The following CPED1 variants were observed in gnomAD, a reference collection of about 807,000 sequenced individuals.
CPED1 encodes cadherin like and PC-esterase domain containing 1, also known as cadherin-like and PC-esterase domain-containing protein 1.
Under a neutral mutation model 128.2 loss-of-function variants are expected in CPED1, and 114 were observed. The ratio of observed to expected loss-of-function variants is 0.89; its 90% CI spans 0.76 to 1.04. The LOEUF (loss-of-function observed/expected upper bound fraction) is 1.04. CPED1 is among the 50% of genes least tolerant of loss of function. CPED1 has a pLI of 0.00. For synonymous variants in CPED1, 462 were observed against 426.7 expected (o/e 1.08, Z -1.02); for missense variants, 1,211 against 1,207.1 (o/e 1.00, Z -0.05).
At chr7:121,225,851 C>T (rs556873788) in intron 16 of CPED1, among the ~76,000 whole-genome samples, 65 of 152,212 alleles carry the variant, frequency 4.3e-4, no homozygotes, top group Non-Finnish European at 7.2e-4. Flanking sequence ...GTCTTCTCTA[C>T]ACTGTTTATT....
At chr7:121,257,602 C>T (rs1251223386) in intron 18 of CPED1, among the ~76,000 whole-genome samples, 1 of 151,942 alleles carries the variant, frequency 6.6e-6, no homozygotes, top group East Asian at 1.9e-4. Flanking sequence ...ATTGCGTAAA[C>T]ATTCACAAAT....
intron 16 of CPED1, among the ~76,000 whole-genome samples, chr7:121,148,615 A>G (rs1584548288): frequency 1.3e-5 from 2 of 152,286 alleles, no homozygotes; most frequent in Admixed American, 1.3e-4. Context: ...AGCAAATAAT[A>G]CTGAAGATGC....
intron 16 of CPED1, among the ~76,000 whole-genome samples, chr7:121,199,689 A>AGAAAGAAAGAAAG (rs1381619706): frequency 2.5e-4 from 10 of 40,706 alleles, no homozygotes; most frequent in African/African-American, 4.1e-4. Flanking sequence ...AAAAAAAAAA[A>AGAAAGAAAGAAAG]AAAAAAAAAA....
At chr7:121,037,824 T>C (rs1792938859) in intron 3 of CPED1, among the ~76,000 whole-genome samples, 1 of 152,192 alleles carries the variant, frequency 6.6e-6, no homozygotes, top group Non-Finnish European at 1.5e-5. Context: ...AGCAGTGTTT[T>C]GTAGTTTTCC....
chr7:121,246,931 C>T (rs1204527453), intron 18 of CPED1, among the ~76,000 whole-genome samples: 3 of 152,170 alleles, frequency 2.0e-5, no homozygotes, highest in African/African-American at 7.2e-5. Flanking sequence ...CTTGCATGCT[C>T]AGAAATTCAA....
At chr7:121,115,425 C>G (rs1795213944) in intron 7 of CPED1, among the ~76,000 whole-genome samples, 1 of 152,076 alleles carries the variant, frequency 6.6e-6, no homozygotes, top group Non-Finnish European at 1.5e-5. Context: ...CTATCATGTT[C>G]TTTATTGTAC....
In CPED1 at chr7:121,073,559, T is replaced by C. The variant is rs192421213; in HGVS notation, c.616+9246T>C. Among the ~76,000 whole-genome samples the C allele has an allele frequency of 8.1e-4, 124 of 152,338 alleles. 1 individual carries two copies. Among genetic ancestry groups the C allele is most frequent in the African/African-American group, 2.8e-3 (118 of 41,576 alleles). Reference sequence around the variant, plus strand: ...TTCAGTGCCCATATCGTAGAAGGGTTCAGTTGTAAAAGAGGTCAAAAGCCG... The same window carrying C: ...TTCAGTGCCCATATCGTAGAAGGGTCCAGTTGTAAAAGAGGTCAAAAGCCG... On this transcript the variant is annotated intron_variant, in intron 5 of 22. Transcript: ENST00000310396.
chr7:121,046,813 A>G (rs1183142684), intron 3 of CPED1, 74 bp from the exon 4 acceptor site: 7 of 924,100 alleles, frequency 7.6e-6, no homozygotes, highest in Non-Finnish European at 1.2e-5. Flanking sequence ...ACATTTTTTA[A>G]TCTGAAGAAT....
chr7:121,210,160 C>A (rs907822200), intron 16 of CPED1, among the ~76,000 whole-genome samples: 12 of 151,892 alleles, frequency 7.9e-5, no homozygotes, highest in African/African-American at 2.9e-4. Context: ...CAGGTAATAA[C>A]AAAGGGAGGC....
intron 3 of CPED1, among the ~76,000 whole-genome samples, chr7:121,026,827 C>CTTTTTTTTTT (rs71170219): frequency 1.2e-5 from 1 of 83,472 alleles, no homozygotes; most frequent in African/African-American, 4.7e-5. Context: ...CCTGTCAGTT[C>CTTTTTTTTTT]TTTTTTTTTT....
intron 18 of CPED1, among the ~76,000 whole-genome samples, chr7:121,252,294 C>T (rs868384661): frequency 6.6e-6 from 1 of 151,940 alleles, no homozygotes; most frequent in East Asian, 1.9e-4. Context: ...CCTTCCTTAC[C>T]CCTTATACAA....
intron 4 of CPED1, among the ~76,000 whole-genome samples, chr7:121,056,907 C>T (rs1185061481): frequency 6.6e-6 from 1 of 152,156 alleles, no homozygotes; most frequent in Non-Finnish European, 1.5e-5. Flanking sequence ...TTTATTATTT[C>T]TATGTGATAA....
At chr7:121,043,250 G>A (rs1244489272) in intron 3 of CPED1, among the ~76,000 whole-genome samples, 4 of 151,858 alleles carry the variant, frequency 2.6e-5, no homozygotes, top group Non-Finnish European at 5.9e-5. Context: ...AAGAAGAGAT[G>A]GAAGGAAAAA....
intron 5 of CPED1, among the ~76,000 whole-genome samples, chr7:121,087,183 G>A (rs1418789607): frequency 1.3e-5 from 2 of 152,048 alleles, no homozygotes; most frequent in Non-Finnish European, 2.9e-5. Context: ...TTGGTTGGGG[G>A]AGGCAAACAA....
intron 2 of CPED1, among the ~76,000 whole-genome samples, chr7:121,011,405 A>G (rs1304050250): frequency 6.6e-6 from 1 of 152,172 alleles, no homozygotes; most frequent in Non-Finnish European, 1.5e-5. Flanking sequence ...TATATTTGTC[A>G]TTCTTGCTAG....
rs1792839398 is a variant in CPED1, at chr7:121,297,207, T to C, written c.*1555T>C. On this transcript the variant is annotated 3_prime_UTR_variant, in exon 23 of 23. Transcript: ENST00000310396. ...TAAATGCAAACATCATTTTTAAATT[T>C]TCAGTGATTTTTTTAATGACATAAA... 1 of 152,050 alleles carries C rather than the reference T, an allele frequency of 6.6e-6. No individual in the cohort carries two copies. The highest frequency in any genetic ancestry group is 2.4e-5 in the African/African-American group (1 of 41,440). 9.4% of individuals were successfully genotyped at this position (152,050 alleles called of 1,614,324 possible). A position where few individuals can be genotyped will look rare whatever the true frequency, so the allele number is the denominator to read the frequency against.
intron 14 of CPED1, among the ~76,000 whole-genome samples, chr7:121,139,941 C>G (rs139043119): frequency 3.0e-3 from 454 of 151,884 alleles, no homozygotes; most frequent in Non-Finnish European, 4.6e-3. Context: ...TCTTTGTTAG[C>G]ATTTTGTTGA....
chr7:121,027,437 T>C (rs1445919795), intron 3 of CPED1, among the ~76,000 whole-genome samples: 6 of 152,128 alleles, frequency 3.9e-5, no homozygotes, highest in Non-Finnish European at 8.8e-5. Context: ...GTATATGCAA[T>C]TGAAAAAACA....
Position 121,083,382 on chromosome 7 carries a change from G to C in CPED1, c.617-14317G>C, listed in dbSNP as rs17536693. 9.9e-3 allele frequency among the ~76,000 whole-genome samples: 1,502 copies of C among 152,230 alleles called. 15 individuals are homozygous for C. The highest frequency in any genetic ancestry group is 0.016 in the Non-Finnish European group (1,105 of 68,006). ...GAAGGGCCAAGAATTAGTTGTCCTA[G>C]CTTTTTGAAGCTGTCCTTCTGGTCT... is the stretch of plus-strand genomic sequence containing the variant. On this transcript the variant is annotated intron_variant, in intron 5 of 22. Transcript: ENST00000310396.
Sources: allele counts gnomAD v4.1 joint callset (sites outside exome capture counted in the v4.1 genomes callset), GRCh38; gene constraint gnomAD v4.1.1; transcripts MANE v1.5; gene names NCBI Gene and HGNC (gene_info 2026-07-23, HGNC 2026-07-21).